SLC9A9: variants seen among roughly 807,000 people sequenced by gnomAD.
SLC9A9 encodes the protein solute carrier family 9 member A9, also known as sodium/hydrogen exchanger 9.
A neutral mutation model predicts 77.8 loss-of-function variants in SLC9A9; 62 were observed. The observed-to-expected ratio is 0.80, with a 90% CI of 0.65 to 0.98. The LOEUF (loss-of-function observed/expected upper bound fraction) is 0.98. Ranked by LOEUF, SLC9A9 falls within the 50% of genes least tolerant of loss-of-function variation. SLC9A9 has a pLI of 0.00. For synonymous variants in SLC9A9, 320 were observed against 283.5 expected (o/e 1.13, Z -1.29); for missense variants, 775 against 774.9 (o/e 1.00, Z 0.00).
chr3:143,480,602 C>T (rs2035557254), intron 11 of SLC9A9, among the ~76,000 whole-genome samples: 1 of 152,170 alleles, frequency 6.6e-6, no homozygotes, highest in African/African-American at 2.4e-5. Flanking sequence ...AGACCTACTC[C>T]CATAGCTTTG....
intron 6 of SLC9A9, among the ~76,000 whole-genome samples, chr3:143,609,242 T>G (rs1476626815): frequency 6.6e-6 from 1 of 152,116 alleles, no homozygotes; most frequent in Non-Finnish European, 1.5e-5. Flanking sequence ...TCCAAAAACA[T>G]TAGATGACTG....
At position 143,798,343 on chromosome 3, in the gene SLC9A9, C is replaced by T. The variant is rs569928654; in HGVS notation, c.379-1440G>A. ...CCTGCCTGATTATTCACCCACATTCCATTGGTGTGTGATCACCACAGGGAC... is the reference window on the plus strand; with the variant it reads ...CCTGCCTGATTATTCACCCACATTCTATTGGTGTGTGATCACCACAGGGAC... On this transcript the variant is annotated intron_variant, in intron 2 of 15. Coordinates refer to ENST00000316549, the MANE Select transcript of SLC9A9 (RefSeq NM_173653.4). Among the ~76,000 whole-genome samples the T allele has an allele frequency of 2.6e-5, 4 of 152,298 alleles. No homozygotes were observed. The East Asian group carries it at 7.7e-4, about 29-fold the overall frequency.
intron 4 of SLC9A9, among the ~76,000 whole-genome samples, chr3:143,751,633 C>T (rs1315933169): frequency 2.0e-5 from 3 of 152,124 alleles, no homozygotes. Context: ...CGCTTCTTTC[C>T]ACAGGTCTGA....
intron 14 of SLC9A9, among the ~76,000 whole-genome samples, chr3:143,318,714 G>A (rs1239634450): frequency 6.6e-6 from 1 of 152,156 alleles, no homozygotes; most frequent in African/African-American, 2.4e-5. Context: ...CTCAACCTGC[G>A]ATACCCAGTT....
intron 13 of SLC9A9, among the ~76,000 whole-genome samples, chr3:143,377,292 T>C (rs2108495096): frequency 6.6e-6 from 1 of 152,384 alleles, no homozygotes; most frequent in African/African-American, 2.4e-5. Flanking sequence ...TTCCAGGTTA[T>C]GGTTTTCTGG....
intron 1 of SLC9A9, 73 bp downstream of exon 1, chr3:143,848,075 G>T: frequency 2.2e-6 from 3 of 1,373,552 alleles, no homozygotes; most frequent in Non-Finnish European, 3.1e-6. Flanking sequence ...TCGGTACTTT[G>T]CTATCTGAGC....
chr3:143,650,322 A>T (rs1350113126), intron 6 of SLC9A9, among the ~76,000 whole-genome samples: 1 of 152,236 alleles, frequency 6.6e-6, no homozygotes, highest in Non-Finnish European at 1.5e-5. Context: ...GTGTGTGGAG[A>T]TAAGGCATTG....
chr3:143,703,256 A>G (rs12638051), intron 4 of SLC9A9, among the ~76,000 whole-genome samples: 81,013 of 151,884 alleles, frequency 0.53, 22,010 homozygotes, highest in Non-Finnish European at 0.57. Flanking sequence ...CCAATGGCTA[A>G]AGAATACACA....
intron 4 of SLC9A9, among the ~76,000 whole-genome samples, chr3:143,724,519 A>C (rs1934587610): frequency 6.6e-6 from 1 of 152,238 alleles, no homozygotes; most frequent in Non-Finnish European, 1.5e-5. Context: ...CTTCGTGGAA[A>C]GCTCTCTTTG....
chr3:143,482,671 T>A (rs550586811), intron 11 of SLC9A9, among the ~76,000 whole-genome samples: 1 of 152,184 alleles, frequency 6.6e-6, no homozygotes, highest in Non-Finnish European at 1.5e-5. Context: ...GCATTTCCCC[T>A]CCTTCCAGCA....
intron 3 of SLC9A9, among the ~76,000 whole-genome samples, chr3:143,795,684 G>A (rs1002532466): frequency 2.0e-5 from 3 of 152,144 alleles, no homozygotes; most frequent in African/African-American, 4.8e-5. Context: ...AGCCATAATC[G>A]TACCATTGTA....
chr3:143,418,545 C>A (rs939583013), intron 12 of SLC9A9, among the ~76,000 whole-genome samples: 1 of 151,802 alleles, frequency 6.6e-6, no homozygotes, highest in African/African-American at 2.4e-5. Flanking sequence ...AGGTGGCAGG[C>A]GAGGGGTGGA....
At chr3:143,539,652 G>T (rs2036652138) in intron 9 of SLC9A9, among the ~76,000 whole-genome samples, 1 of 152,084 alleles carries the variant, frequency 6.6e-6, no homozygotes, top group South Asian at 2.1e-4. Context: ...TATTAAAGGG[G>T]GTTATGCCAT....
At chr3:143,496,637 C>CT (rs1452402679) in intron 9 of SLC9A9, among the ~76,000 whole-genome samples, 4 of 152,222 alleles carry the variant, frequency 2.6e-5, no homozygotes, top group Admixed American at 1.3e-4. Context: ...TGAATGCTTG[C>CT]TTTACATCCC....
chr3:143,827,095 C>G (rs898329303), intron 2 of SLC9A9, among the ~76,000 whole-genome samples: 3 of 152,226 alleles, frequency 2.0e-5, no homozygotes, highest in Non-Finnish European at 2.9e-5. Flanking sequence ...ATCATCTTCT[C>G]TTCAAAACAG....
chr3:143,591,080 G>T (rs1051402825), intron 6 of SLC9A9, among the ~76,000 whole-genome samples: 1 of 152,148 alleles, frequency 6.6e-6, no homozygotes, highest in African/African-American at 2.4e-5. Context: ...ATAAACAGCT[G>T]CCTGAGACGG....
chr3:143,671,601 C>T (rs2039154799), intron 5 of SLC9A9, among the ~76,000 whole-genome samples: 1 of 152,118 alleles, frequency 6.6e-6, no homozygotes, highest in Non-Finnish European at 1.5e-5. Flanking sequence ...AGTAAATTTG[C>T]TCAAGAATAG....
intron 1 of SLC9A9, among the ~76,000 whole-genome samples, chr3:143,832,433 C>T (rs1401353039): frequency 6.6e-6 from 1 of 152,120 alleles, no homozygotes; most frequent in Non-Finnish European, 1.5e-5. Context: ...CAATACTCAG[C>T]AAATCTTCCC....
intron 4 of SLC9A9, among the ~76,000 whole-genome samples, chr3:143,699,187 T>C (rs534952258): frequency 7.2e-5 from 11 of 152,194 alleles, no homozygotes; most frequent in African/African-American, 2.7e-4. Context: ...CATTGACTCA[T>C]TCATTCAACA....
Sources: gnomAD v4.1 joint callset for allele counts (sites outside exome capture counted in the v4.1 genomes callset) on GRCh38, gnomAD v4.1.1 for gene constraint, MANE v1.5 for transcripts, NCBI Gene and HGNC (gene_info 2026-07-23, HGNC 2026-07-21) for gene names.